ZNF503: variants seen among roughly 807,000 people sequenced by gnomAD.
The protein encoded by ZNF503 is zinc finger protein 503.
A neutral mutation model predicts 34.4 loss-of-function variants in ZNF503; 15 were observed. The ratio of observed to expected loss-of-function variants is 0.44; its 90% confidence interval spans 0.29 to 0.67. ZNF503 has a LOEUF of 0.67. ZNF503 is among the 30% of genes least tolerant of loss of function. ZNF503 has a pLI of 0.13. For synonymous variants in ZNF503, 580 were observed against 456.8 expected, an observed-to-expected ratio of 1.27 and a Z score of -3.44; for missense variants, 1,007 against 926.8, an observed-to-expected ratio of 1.09 and a Z score of -1.12.
At chr10:75,311,802 G>A in the ZNF503 span, among the ~76,000 whole-genome samples, 13 of 150,432 alleles carry the variant, frequency 8.6e-5, no homozygotes, top group Admixed American at 8.0e-4. Context: ...AGCAGTGTGA[G>A]AACAGATTAA....
the ZNF503 span, among the ~76,000 whole-genome samples, chr10:75,364,679 A>G: frequency 6.6e-6 from 1 of 152,220 alleles, no homozygotes; most frequent in Non-Finnish European, 1.5e-5. Flanking sequence ...GAGACGTTTC[A>G]TAAGTCTCAT....
chr10:75,324,533 C>T, the ZNF503 span, among the ~76,000 whole-genome samples: 65 of 152,166 alleles, frequency 4.3e-4, 1 homozygote, highest in Non-Finnish European at 7.6e-4. Flanking sequence ...GGCTTTGTTG[C>T]CCAGGCTGGT....
At chr10:75,368,377 T>C in the ZNF503 span, among the ~76,000 whole-genome samples, 1 of 151,870 alleles carries the variant, frequency 6.6e-6, no homozygotes, top group South Asian at 2.1e-4. Flanking sequence ...GGTTCAAAAA[T>C]AAAAAATCAA....
At chr10:75,392,454 A>G in the ZNF503 span, among the ~76,000 whole-genome samples, 3 of 152,178 alleles carry the variant, frequency 2.0e-5, no homozygotes, top group Admixed American at 6.5e-5. Flanking sequence ...TGGTGGGGGG[A>G]AAATCTAGAG....
chr10:75,348,854 A>AT, the ZNF503 span, among the ~76,000 whole-genome samples: 1 of 152,094 alleles, frequency 6.6e-6, no homozygotes, highest in Non-Finnish European at 1.5e-5. Context: ...ACTTTTCCTA[A>AT]TTTTTTAATT....
At chr10:75,360,651 A>T in the ZNF503 span, 1 of 152,242 alleles carries the variant, frequency 6.6e-6, no homozygotes, top group Admixed American at 6.5e-5. Context: ...AGACTTTGGA[A>T]GGTAATGTTC....
the ZNF503 span, among the ~76,000 whole-genome samples, chr10:75,305,580 T>C: frequency 1.3e-3 from 203 of 152,282 alleles, 2 homozygotes; most frequent in East Asian, 0.035. Flanking sequence ...ATGTTAAGTA[T>C]TCATATTGTT....
chr10:75,284,186 AGG>A, the ZNF503 span: 1 of 152,298 alleles, frequency 6.6e-6, no homozygotes, highest in Non-Finnish European at 1.5e-5. Context: ...GAAGGAAAGA[AGG>A]GGGAAAAACA....
the ZNF503 span, among the ~76,000 whole-genome samples, chr10:75,329,415 TTTCC>T: frequency 0.12 from 10,753 of 89,824 alleles, 632 homozygotes; most frequent in Middle Eastern, 0.18. Flanking sequence ...CCTTCCTTCC[TTTCC>T]TTCCTTCCTT....
At chr10:75,390,490 A>G in the ZNF503 span, among the ~76,000 whole-genome samples, 3 of 149,634 alleles carry the variant, frequency 2.0e-5, no homozygotes, top group African/African-American at 7.4e-5. Flanking sequence ...CTCAGGGCCA[A>G]TCCTACTCTA....
chr10:75,298,157 C>T, the ZNF503 span, among the ~76,000 whole-genome samples: 2 of 152,174 alleles, frequency 1.3e-5, no homozygotes, highest in Non-Finnish European at 2.9e-5. Context: ...CCAGGTTTTA[C>T]GTTTAGGTCT....
At chr10:75,316,025 G>T in the ZNF503 span, among the ~76,000 whole-genome samples, 3 of 152,150 alleles carry the variant, frequency 2.0e-5, no homozygotes, top group Non-Finnish European at 2.9e-5. Flanking sequence ...AGATATAATG[G>T]TTATAAACAT....
downstream of ZNF503, among the ~76,000 whole-genome samples, chr10:75,395,744 G>A (rs1423390929): frequency 6.6e-6 from 1 of 152,226 alleles, no homozygotes; most frequent in Non-Finnish European, 1.5e-5. The surrounding 1 kb of genome is among the most constrained non-coding windows in gnomAD (Gnocchi z 4.4). Flanking sequence ...TCACCCCCGG[G>A]CGCCCCAGCG....
chr10:75,337,030 C>A, the ZNF503 span, among the ~76,000 whole-genome samples: 1 of 152,158 alleles, frequency 6.6e-6, no homozygotes, highest in Admixed American at 6.6e-5. Flanking sequence ...TTAATTATAT[C>A]TGAAAAATTC....
chr10:75,316,685 TAAG>T, the ZNF503 span, among the ~76,000 whole-genome samples: 1 of 152,142 alleles, frequency 6.6e-6, no homozygotes, highest in Non-Finnish European at 1.5e-5. Context: ...TTAACAAATT[TAAG>T]AAGATAGGAA....
chr10:75,388,630 G>A, the ZNF503 span, among the ~76,000 whole-genome samples: 80 of 152,322 alleles, frequency 5.3e-4, no homozygotes, highest in Non-Finnish European at 9.6e-4. Context: ...TCACTTTGCC[G>A]CTTTGTGCCT....
chr10:75,349,478 A>T, the ZNF503 span, among the ~76,000 whole-genome samples: 3 of 152,248 alleles, frequency 2.0e-5, no homozygotes, highest in Non-Finnish European at 4.4e-5. Flanking sequence ...ATGTATTATT[A>T]ATAATAGTGG....
At chr10:75,282,197 T>C in the ZNF503 span, among the ~76,000 whole-genome samples, 1 of 152,194 alleles carries the variant, frequency 6.6e-6, no homozygotes, top group African/African-American at 2.4e-5. Flanking sequence ...CTCATTCCCT[T>C]GGCCAACGAC....
the ZNF503 span, among the ~76,000 whole-genome samples, chr10:75,290,706 C>T: frequency 6.6e-6 from 1 of 152,202 alleles, no homozygotes; most frequent in African/African-American, 2.4e-5. Flanking sequence ...TCTACCACAT[C>T]CATAAACTTA....
Sources: allele counts gnomAD v4.1 joint callset (sites outside exome capture counted in the v4.1 genomes callset), GRCh38; gene constraint gnomAD v4.1.1; non-coding constraint Gnocchi (gnomAD v3.1); transcripts MANE v1.5; gene names NCBI Gene and HGNC (gene_info 2026-07-23, HGNC 2026-07-21).